TAF4B: variants seen among roughly 807,000 people sequenced by gnomAD.
TAF4B encodes the protein transcription initiation factor TFIID subunit 4B.
TAF4B carries 38 observed loss-of-function variants against 86.4 expected under a neutral mutation model. That is an observed-to-expected ratio of 0.44 (90% CI 0.34 to 0.58). The LOEUF is 0.58. TAF4B is among the 20% of genes least tolerant of loss of function. The pLI is 0.02. For synonymous variants in TAF4B, 388 were observed against 391.2 expected (o/e 0.99, Z 0.10); for missense variants, 988 against 1,027.6 (o/e 0.96, Z 0.53).
At chr18:26,241,587 C>T (rs1239892863) in intron 1 of TAF4B, among the ~76,000 whole-genome samples, 1 of 152,170 alleles carries the variant, frequency 6.6e-6, no homozygotes, top group Non-Finnish European at 1.5e-5. Flanking sequence ...CTATCTCCTT[C>T]AGTTCTGCTC....
At chr18:26,289,118 A>G (rs770563378) in intron 7 of TAF4B, among the ~76,000 whole-genome samples, 5 of 152,202 alleles carry the variant, frequency 3.3e-5, no homozygotes, top group Non-Finnish European at 7.3e-5. Flanking sequence ...GTAATGCCAT[A>G]GAGAAGATTG....
intron 11 of TAF4B, among the ~76,000 whole-genome samples, chr18:26,323,513 C>G (rs113637628): frequency 3.3e-3 from 427 of 131,302 alleles, no homozygotes; most frequent in Non-Finnish European, 5.3e-3. Flanking sequence ...GCGTGTGCCA[C>G]CACACCCAAC....
At chr18:26,383,195 A>G (rs542662311) in intron 14 of TAF4B, among the ~76,000 whole-genome samples, 1 of 152,324 alleles carries the variant, frequency 6.6e-6, no homozygotes, top group East Asian at 1.9e-4. Flanking sequence ...CTTATAGGAA[A>G]ATCTTAGCCA....
intron 12 of TAF4B, among the ~76,000 whole-genome samples, chr18:26,332,543 T>C (rs1037981733): frequency 3.9e-5 from 6 of 152,160 alleles, no homozygotes; most frequent in African/African-American, 1.4e-4. Flanking sequence ...TTGTTGTTAT[T>C]GTTTTTGAGA....
intron 5 of TAF4B, among the ~76,000 whole-genome samples, chr18:26,277,342 TG>T (rs997011409): frequency 1.3e-5 from 2 of 152,200 alleles, no homozygotes; most frequent in African/African-American, 2.4e-5. Flanking sequence ...CACCTTGGCC[TG>T]GCGAAGTGCT....
chr18:26,276,015 CAAA>C (rs374826135), intron 5 of TAF4B, among the ~76,000 whole-genome samples: 3 of 75,930 alleles, frequency 4.0e-5, no homozygotes, highest in Non-Finnish European at 8.1e-5. Context: ...GACTCTGTCT[CAAA>C]AAAAAAAAAA....
At chr18:26,239,039 G>T (rs1363427331) in intron 1 of TAF4B, among the ~76,000 whole-genome samples, 1 of 152,178 alleles carries the variant, frequency 6.6e-6, no homozygotes, top group Non-Finnish European at 1.5e-5. Context: ...GAATAGTGCT[G>T]CAGTAAACAC....
At chr18:26,304,132 C>G (rs1738923761) in intron 9 of TAF4B, among the ~76,000 whole-genome samples, 1 of 144,372 alleles carries the variant, frequency 6.9e-6, no homozygotes, top group African/African-American at 2.5e-5. Flanking sequence ...TTTATATAGA[C>G]AATGTCAAGA....
rs199708767 is a variant in TAF4B, at chr18:26,281,974, G to T, written c.886G>T (p.Ala296Ser). The T allele has an allele frequency of 6.2e-7, 1 of 1,611,196 alleles. No homozygotes were observed. The highest frequency in any genetic ancestry group is 8.5e-7 in the Non-Finnish European group (1 of 1,178,404). The change falls in exon 6 of 15, where the codon GCA becomes TCA. Residue 296 changes from alanine (A) to serine (S), a missense_variant. Ala to Ser is a moderately conservative substitution (Grantham distance 99). This residue lies in a region of TAF4B where 747 missense variants were observed against 737.9 expected (regional missense o/e 1.01). Coordinates refer to ENST00000269142, the MANE Select transcript of TAF4B (RefSeq NM_005640.3). ...TTCTATTTCTCCCATCCCTCAGGAT[G>T]CAAAAATCGAAGCAGAAGAATTTAC... The part of the protein sequence containing the change: ...VKKLVEQLLD[A>S]KIEAEEFTRK...
Position 26,286,013 on chromosome 18 carries a change from A to G in TAF4B, c.1104A>G (p.Thr368=), listed in dbSNP as rs201375241. ...TTTVTTSPVV[T]TTVSSSQSEK... is the part of the protein sequence containing the mutation. ...CAGTAACAACTTCTCCTGTGGTGAC[A>G]ACTACAGTGTCCTCAAGCCAGTCTG... Residue 368 remains threonine (T), a synonymous_variant, in exon 7 of 15, where the codon ACA becomes ACG. Transcript: ENST00000269142. 6 of 1,614,220 alleles carry G rather than the reference A, an allele frequency of 3.7e-6. No individual in the cohort carries two copies.
intron 6 of TAF4B, among the ~76,000 whole-genome samples, chr18:26,285,210 C>CTTTTTTTTTTTTTTTTTTTTT (rs113394710): frequency 7.1e-5 from 3 of 42,508 alleles, no homozygotes; most frequent in African/African-American, 1.6e-4. Flanking sequence ...TCTTCCTTTC[C>CTTTTTTTTTTTTTTTTTTTTT]TTTTTTTTTT....
intron 13 of TAF4B, among the ~76,000 whole-genome samples, chr18:26,338,769 C>T (rs1032804175): frequency 1.3e-4 from 20 of 152,216 alleles, no homozygotes; most frequent in Admixed American, 3.3e-4. Context: ...TGAGCCACTA[C>T]GCCTGGATCA....
At position 26,264,943 on chromosome 18, in the gene TAF4B, G is replaced by GT. The variant is rs1019480614; in HGVS notation, c.344-223dup. On this transcript the variant is annotated intron_variant, in intron 1 of 14. Transcript: ENST00000269142. ...AGTTTTGATGTCATGAAGGAAAAGT[G>GT]TTTTGCTTTCTTCAGGAGCATCTCA... Among the ~76,000 whole-genome samples, 17 of 152,254 alleles carry GT rather than the reference G, an allele frequency of 1.1e-4. 1 individual carries two copies. Among genetic ancestry groups the GT allele is most frequent in the Admixed American group, 7.8e-4 (12 of 15,298 alleles).
chr18:26,349,618 A>G (rs926050021), intron 13 of TAF4B, among the ~76,000 whole-genome samples: 3 of 152,236 alleles, frequency 2.0e-5, no homozygotes, highest in Non-Finnish European at 2.9e-5. Flanking sequence ...TGTTACAATG[A>G]CCATACTAGC....
At chr18:26,350,121 A>G (rs1160454422) in intron 13 of TAF4B, among the ~76,000 whole-genome samples, 1 of 152,248 alleles carries the variant, frequency 6.6e-6, no homozygotes, top group Non-Finnish European at 1.5e-5. Flanking sequence ...AAAACGGAGG[A>G]AATGCTTCAG....
intron 13 of TAF4B, among the ~76,000 whole-genome samples, chr18:26,344,858 C>T (rs886141105): frequency 2.0e-5 from 3 of 152,090 alleles, no homozygotes; most frequent in African/African-American, 4.8e-5. Context: ...ATTAGAAATC[C>T]AGGAGGGCAG....
intron 12 of TAF4B, among the ~76,000 whole-genome samples, chr18:26,331,036 TC>T (rs557200814): frequency 4.6e-5 from 7 of 152,126 alleles, no homozygotes; most frequent in African/African-American, 1.7e-4. Flanking sequence ...ATGCCCCAGC[TC>T]CCCGTAAGGA....
intron 9 of TAF4B, among the ~76,000 whole-genome samples, chr18:26,296,977 G>A (rs973657376): frequency 3.9e-5 from 6 of 151,912 alleles, no homozygotes; most frequent in African/African-American, 1.2e-4. Flanking sequence ...TGTCTCTACC[G>A]AAAATATAAA....
chr18:26,315,488 G>A, intron 10 of TAF4B, 90 bp downstream of exon 10: 1 of 853,904 alleles, frequency 1.2e-6, no homozygotes, highest in Non-Finnish European at 1.7e-6. Context: ...TGGTTGTCCT[G>A]GAACTCTGAG....
Sources: allele counts gnomAD v4.1 joint callset (sites outside exome capture counted in the v4.1 genomes callset), GRCh38; gene constraint gnomAD v4.1.1; regional missense constraint gnomAD v4.1.1; transcripts MANE v1.5; gene names NCBI Gene and HGNC (gene_info 2026-07-23, HGNC 2026-07-21).